PRKCA: variants seen among roughly 807,000 people sequenced by gnomAD.
PRKCA encodes protein kinase C alpha type.
PRKCA carries 27 observed loss-of-function variants against 87.0 expected under a neutral mutation model. The ratio of observed to expected loss-of-function variants is 0.31; its 90% CI spans 0.23 to 0.43. The LOEUF (loss-of-function observed/expected upper bound fraction) is 0.43. Among genes scored for constraint, PRKCA ranks in the 20% least tolerant of loss-of-function variants. The pLI, the probability that PRKCA is intolerant of heterozygous loss-of-function variation, is 1.00. For synonymous variants in PRKCA, 329 were observed against 311.1 expected (o/e 1.06, Z -0.61); for missense variants, 518 against 852.3 (o/e 0.61, Z 4.88).
At chr17:66,590,300 A>T (rs1017189673) in intron 3 of PRKCA, among the ~76,000 whole-genome samples, 1 of 152,162 alleles carries the variant, frequency 6.6e-6, no homozygotes, top group Admixed American at 6.5e-5. Flanking sequence ...TCCCTTGACT[A>T]AAAGCACAGC....
At chr17:66,592,732 G>A (rs1477301770) in intron 3 of PRKCA, among the ~76,000 whole-genome samples, 2 of 152,202 alleles carry the variant, frequency 1.3e-5, no homozygotes, top group Non-Finnish European at 2.9e-5. Context: ...TGATGCAGTT[G>A]AATTATGTGA....
chr17:66,378,420 G>A (rs1212764185), intron 2 of PRKCA, among the ~76,000 whole-genome samples: 1 of 152,132 alleles, frequency 6.6e-6, no homozygotes, highest in Admixed American at 6.5e-5. Context: ...CATTTTGGTG[G>A]TTTTTTAGTA....
chr17:66,322,215 A>T (rs945847287), intron 2 of PRKCA, among the ~76,000 whole-genome samples: 3 of 152,148 alleles, frequency 2.0e-5, no homozygotes, highest in Admixed American at 2.0e-4. Flanking sequence ...ATAGGAATTC[A>T]TGGAGCCTCA....
chr17:66,751,061 C>T (rs1258915390), intron 13 of PRKCA, among the ~76,000 whole-genome samples: 2 of 152,124 alleles, frequency 1.3e-5, no homozygotes, highest in Non-Finnish European at 2.9e-5. Flanking sequence ...TTAATTAGCC[C>T]TTTATTTAGG....
chr17:66,696,293 G>A (rs1177986876), intron 8 of PRKCA: 1 of 152,178 alleles, frequency 6.6e-6, no homozygotes, highest in Non-Finnish European at 1.5e-5. Flanking sequence ...CAATGTTTGA[G>A]CATGGTATTT....
chr17:66,495,903 G>A (rs937521848), intron 2 of PRKCA, among the ~76,000 whole-genome samples: 5 of 152,030 alleles, frequency 3.3e-5, no homozygotes, highest in African/African-American at 7.3e-5. Flanking sequence ...TTTGTTTCCC[G>A]GTTTCTACTT....
At position 66,664,647 on chromosome 17, in the gene PRKCA, GTTTTTTTTTTTT is replaced by G. The variant is rs398031366; in HGVS notation, c.529+19151_529+19162del. Among the ~76,000 whole-genome samples, 49 of 67,812 alleles carry G rather than the reference GTTTTTTTTTTTT, an allele frequency of 7.2e-4. No individual in the cohort carries two copies. In the Middle Eastern group the frequency reaches 0.038, roughly 53 times the overall value. The allele number at this position is 67,812 out of a possible 152,430, so 44.5% of individuals were successfully genotyped here. A position where few individuals can be genotyped will look rare whatever the true frequency, so the allele number is the denominator to read the frequency against. On this transcript the variant is annotated intron_variant, in intron 5 of 16. Transcript: ENST00000413366. ...TCTTTGGGGTTTTTGTTTTGCTTTGGTTTTTTTTTTTTTTTTTTTTTTTTTTGGCAATGTCTT... is the reference window on the plus strand; with the variant it reads ...TCTTTGGGGTTTTTGTTTTGCTTTGGTTTTTTTTTTTTTTGGCAATGTCTT...
At chr17:66,754,353 T>C (rs1974502907) in intron 13 of PRKCA, among the ~76,000 whole-genome samples, 1 of 151,996 alleles carries the variant, frequency 6.6e-6, no homozygotes, top group Non-Finnish European at 1.5e-5. Context: ...CACAGCTCCT[T>C]CTTACACAGA....
chr17:66,435,670 T>C (rs1247007060), intron 2 of PRKCA, among the ~76,000 whole-genome samples: 1 of 151,798 alleles, frequency 6.6e-6, no homozygotes, highest in Non-Finnish European at 1.5e-5. Context: ...CAAAAAGAAA[T>C]GTGAAAAGAT....
At chr17:66,490,856 C>G (rs986317590) in intron 2 of PRKCA, among the ~76,000 whole-genome samples, 1 of 152,230 alleles carries the variant, frequency 6.6e-6, no homozygotes, top group African/African-American at 2.4e-5. Flanking sequence ...GCAGGGATTA[C>G]AGGTGTGACC....
At chr17:66,684,804 T>C (rs1972580928) in intron 5 of PRKCA, among the ~76,000 whole-genome samples, 1 of 152,240 alleles carries the variant, frequency 6.6e-6, no homozygotes, top group South Asian at 2.1e-4. Context: ...CTTTGGCTTA[T>C]CCAGGATGTG....
intron 2 of PRKCA, among the ~76,000 whole-genome samples, chr17:66,369,644 A>G (rs1908975880): frequency 6.6e-6 from 1 of 152,192 alleles, no homozygotes; most frequent in Non-Finnish European, 1.5e-5. Flanking sequence ...TTGCTGAGCA[A>G]TAAGCAATGC....
intron 3 of PRKCA, among the ~76,000 whole-genome samples, chr17:66,595,278 T>C (rs1969936921): frequency 1.3e-5 from 2 of 151,948 alleles, no homozygotes; most frequent in African/African-American, 4.8e-5. Flanking sequence ...AGCAAGCCTT[T>C]CACCTTGGCC....
intron 9 of PRKCA, among the ~76,000 whole-genome samples, chr17:66,733,389 G>A (rs890264529): frequency 1.3e-5 from 2 of 152,176 alleles, no homozygotes; most frequent in Admixed American, 6.5e-5. Context: ...CAGGTTTGGG[G>A]GGAAAGCTTG....
chr17:66,395,416 AT>A, intron 2 of PRKCA, among the ~76,000 whole-genome samples: 1 of 152,290 alleles, frequency 6.6e-6, no homozygotes, highest in East Asian at 1.9e-4. Flanking sequence ...GATATTTTGC[AT>A]TTTCTTTGCA....
intron 5 of PRKCA, among the ~76,000 whole-genome samples, chr17:66,660,618 G>T (rs1020151078): frequency 6.6e-6 from 1 of 152,112 alleles, no homozygotes; most frequent in African/African-American, 2.4e-5. Context: ...GGCCGGGCGC[G>T]ATGGCTCACG....
intron 2 of PRKCA, among the ~76,000 whole-genome samples, chr17:66,457,757 C>T (rs960719591): frequency 2.6e-5 from 4 of 152,154 alleles, no homozygotes; most frequent in Admixed American, 6.5e-5. Context: ...CTCCTTCCAT[C>T]ATGATTGTAA....
Position 66,786,969 on chromosome 17 carries a change from A to C in PRKCA, c.1708A>C (p.Lys570Gln), listed in dbSNP as rs762789455. Residue 570 changes from lysine to glutamine, a missense_variant, in exon 15 of 17, where the codon AAA becomes CAA. Transcript: ENST00000413366. Reference protein sequence around the residue: ...SLSKEAVSVCKGLMTKHPAKR... With the variant: ...SLSKEAVSVCQGLMTKHPAKR... Reference sequence around the variant, plus strand: ...GTCCAAGGAGGCTGTTTCTGTCTGCAAAGGAGTAAGTCGATTTGGATACCT... The same window carrying C: ...GTCCAAGGAGGCTGTTTCTGTCTGCCAAGGAGTAAGTCGATTTGGATACCT... The C allele has an allele frequency of 6.3e-7, 1 of 1,599,336 alleles. No homozygotes were observed. Among genetic ancestry groups the C allele is most frequent in the Non-Finnish European group, 8.6e-7 (1 of 1,166,538 alleles).
At chr17:66,432,963 G>A (rs879603786) in intron 2 of PRKCA, among the ~76,000 whole-genome samples, 14 of 152,270 alleles carry the variant, frequency 9.2e-5, no homozygotes, top group Middle Eastern at 3.4e-3. Flanking sequence ...AGGGCAGCTT[G>A]TGAAGCCAGG....
Sources: allele counts gnomAD v4.1 joint callset (sites outside exome capture counted in the v4.1 genomes callset), GRCh38; gene constraint gnomAD v4.1.1; transcripts MANE v1.5; gene names NCBI Gene and HGNC (gene_info 2026-07-23, HGNC 2026-07-21).